The following UPK3A variants were observed in gnomAD, a reference collection of about 807,000 sequenced individuals.
UPK3A encodes uroplakin 3A, also known as uroplakin-3a.
UPK3A carries 32 observed loss-of-function variants against 27.6 expected under a neutral mutation model. The observed-to-expected ratio is 1.16, with a 90% confidence interval of 0.87 to 1.55. The LOEUF is 1.55. Ranked by LOEUF, UPK3A falls within the 40% of genes most tolerant of loss-of-function variation. UPK3A has a pLI of 0.00. For synonymous variants in UPK3A, 171 were observed against 163.9 expected (o/e 1.04, Z -0.33); for missense variants, 370 against 367.9 (o/e 1.01, Z -0.05).
chr22:45,294,035 A>ACAAAC (rs1343524587), intron 5 of UPK3A, among the ~76,000 whole-genome samples: 1 of 152,084 alleles, frequency 6.6e-6, no homozygotes, highest in Admixed American at 6.5e-5. Context: ...CAGGCAGGGG[A>ACAAAC]CAAACCAAGG....
chr22:45,289,003 C>A, intron 3 of UPK3A, 58 bp from the exon 4 acceptor site: 1 of 1,545,462 alleles, frequency 6.5e-7, no homozygotes, highest in South Asian at 1.1e-5. Context: ...CCCACCGCCT[C>A]CCTGTGGGTG....
Position 45,293,219 on chromosome 22 carries a change from C to A in UPK3A, c.610C>A (p.Arg204=), listed in dbSNP as rs376960045. Residue 204 remains arginine (R), a synonymous_variant, in exon 5 of 6, where the codon CGG becomes AGG. Transcript: ENST00000216211. ...YSTIDTWPGR[R]SGGMIVITSI... Reference sequence around the variant, plus strand: ...GACGATCGACACGTGGCCAGGCCGGCGGAGCGGAGGCATGATCGTCATCAC... The same window carrying A: ...GACGATCGACACGTGGCCAGGCCGGAGGAGCGGAGGCATGATCGTCATCAC... 2.5e-5 allele frequency: 41 copies of A among 1,613,938 alleles called. No individual in the cohort carries two copies. The highest frequency in any genetic ancestry group is 3.3e-5 in the Non-Finnish European group (39 of 1,180,044).
chr22:45,285,315 T>A (rs1378464669), intron 1 of UPK3A, among the ~76,000 whole-genome samples: 2 of 152,198 alleles, frequency 1.3e-5, no homozygotes, highest in Admixed American at 6.5e-5. Context: ...GAGAAGGGAC[T>A]AGCCCCAGCC....
In UPK3A at chr22:45,287,196, A is replaced by C; in HGVS notation, c.233A>C (p.Gln78Pro). Residue 78 changes from glutamine (Q) to proline (P), a missense_variant, in exon 3 of 6, where the codon CAA becomes CCA. Physicochemically the swap from Gln to Pro is moderately conservative, Grantham distance 76 (BLOSUM62 -1). Coordinates refer to ENST00000216211, the MANE Select transcript of UPK3A (RefSeq NM_006953.4). ...DSAISRNASVQDSTNTPLGST... is the reference protein window; with the variant it reads ...DSAISRNASVPDSTNTPLGST... Reference sequence around the variant, plus strand: ...GCCATTTCCAGGAATGCCTCAGTGCAAGACAGCACCAACACCCCACTGGGC... The same window carrying C: ...GCCATTTCCAGGAATGCCTCAGTGCCAGACAGCACCAACACCCCACTGGGC... The C allele has an allele frequency of 3.1e-6, 5 of 1,614,220 alleles. No homozygotes were observed. The highest frequency in any genetic ancestry group is 4.2e-6 in the Non-Finnish European group (5 of 1,180,038).
chr22:45,285,343 C>A (rs1434827413), intron 1 of UPK3A, among the ~76,000 whole-genome samples: 1 of 152,072 alleles, frequency 6.6e-6, no homozygotes, highest in Non-Finnish European at 1.5e-5. Context: ...GACGCCTGGA[C>A]GGGGGCAGAT....
chr22:45,290,532 T>C (rs2084153193), intron 4 of UPK3A, among the ~76,000 whole-genome samples: 1 of 151,984 alleles, frequency 6.6e-6, no homozygotes, highest in Non-Finnish European at 1.5e-5. Context: ...GTTTACGGTG[T>C]TGCGTATGTG....
intron 4 of UPK3A, among the ~76,000 whole-genome samples, chr22:45,292,402 C>G (rs899843465): frequency 2.6e-5 from 4 of 152,154 alleles, no homozygotes; most frequent in Non-Finnish European, 5.9e-5. Flanking sequence ...GGGGACCTAC[C>G]TGGAACAGTA....
intron 4 of UPK3A, among the ~76,000 whole-genome samples, chr22:45,291,640 G>A (rs2084162224): frequency 6.6e-6 from 1 of 151,454 alleles, no homozygotes; most frequent in East Asian, 1.9e-4. Flanking sequence ...TATGTGTAGT[G>A]TGTGGTGTGT....
intron 4 of UPK3A, among the ~76,000 whole-genome samples, chr22:45,291,106 C>T (rs947776091): frequency 1.3e-5 from 2 of 152,194 alleles, no homozygotes; most frequent in Admixed American, 6.5e-5. Flanking sequence ...AGCCCACTCC[C>T]GTCTGCAGAA....
intron 4 of UPK3A, among the ~76,000 whole-genome samples, chr22:45,290,093 C>G (rs552160215): frequency 6.6e-6 from 1 of 152,232 alleles, no homozygotes; most frequent in African/African-American, 2.4e-5. Context: ...CACACCTACT[C>G]CTTAGCACCT....
intron 1 of UPK3A, 141 bp downstream of exon 1, chr22:45,285,206 A>G: frequency 1.3e-6 from 1 of 770,434 alleles, no homozygotes; most frequent in Non-Finnish European, 2.0e-6. Flanking sequence ...GCCAACGTTT[A>G]CGGGCCTCCT....
chr22:45,289,366 G>C (rs1245516470), intron 4 of UPK3A, among the ~76,000 whole-genome samples: 1 of 152,086 alleles, frequency 6.6e-6, no homozygotes, highest in Non-Finnish European at 1.5e-5. Flanking sequence ...ACGAGGTCAG[G>C]AGATCGAGAC....
At chr22:45,285,868 T>A in intron 1 of UPK3A, 73 bp from the exon 2 acceptor site, 1 of 1,605,882 alleles carries the variant, frequency 6.2e-7, no homozygotes, top group Non-Finnish European at 8.5e-7. Context: ...CAACACGTGC[T>A]CAGTAACTGC....
chr22:45,288,904 GC>G lies in UPK3A; in HGVS notation c.489-154del, dbSNP rs545005597. 2.6e-4 allele frequency among the ~76,000 whole-genome samples: 39 copies of G among 152,086 alleles called. No homozygotes were observed. The East Asian group carries it at 5.0e-3, about 20-fold the overall frequency. ...TGGCCAAGCTCAGCACTGTCCTGTT[GC>G]CCAGAGCCCGCTCAGTAGCCGTCTA... On this transcript the variant is annotated intron_variant, in intron 3 of 5. Transcript: ENST00000216211.
intron 4 of UPK3A, among the ~76,000 whole-genome samples, chr22:45,291,279 T>C (rs2084158756): frequency 6.7e-6 from 1 of 149,098 alleles, no homozygotes; most frequent in Non-Finnish European, 1.5e-5. Flanking sequence ...GTGGGTGGTG[T>C]ATGTGGTGTG....
chr22:45,291,444 G>C (rs1411005054), intron 4 of UPK3A, among the ~76,000 whole-genome samples: 1 of 151,154 alleles, frequency 6.6e-6, no homozygotes, highest in Admixed American at 6.6e-5. Flanking sequence ...TGTGTGGTGT[G>C]AGAGTGTGGC....
chr22:45,289,419 C>T (rs2147795105), intron 4 of UPK3A, among the ~76,000 whole-genome samples: 1 of 151,878 alleles, frequency 6.6e-6, no homozygotes, highest in Admixed American at 6.6e-5. Context: ...CCTAAAAATA[C>T]AAAAACAAAA....
intron 5 of UPK3A, among the ~76,000 whole-genome samples, chr22:45,293,528 G>C (rs899879516): frequency 2.0e-5 from 3 of 152,184 alleles, no homozygotes; most frequent in African/African-American, 7.2e-5. Flanking sequence ...CAGCTGGGAA[G>C]GGTGGGACTC....
chr22:45,293,266 CT>C lies in UPK3A; in HGVS notation c.659del (p.Phe220SerfsTer50). The C allele has an allele frequency of 6.2e-7, 1 of 1,614,160 alleles. No homozygotes were observed. Among genetic ancestry groups the C allele is most frequent in the South Asian group, 1.1e-5 (1 of 91,086 alleles). ...VITSILGSLP[F>X]FLLVGFAGAI... is the part of the protein sequence containing the mutation. ...TCACTTCCATCCTGGGCTCCCTGCC[CT>C]TCTTTCTACTTGTGGGTTTTGCTGG... is the stretch of plus-strand genomic sequence containing the variant. On this transcript the variant is annotated frameshift_variant, in exon 5 of 6. Transcript: ENST00000216211. LOFTEE classifies it high-confidence loss of function.
Sources: gnomAD v4.1 joint callset for allele counts (sites outside exome capture counted in the v4.1 genomes callset) on GRCh38, gnomAD v4.1.1 for gene constraint, MANE v1.5 for transcripts, NCBI Gene and HGNC (gene_info 2026-07-23, HGNC 2026-07-21) for gene names.